Variants in WDR27 observed in about 807,000 individuals in gnomAD.
The protein encoded by WDR27 is WD repeat domain 27, also known as WD repeat-containing protein 27.
WDR27 carries 100 observed loss-of-function variants against 114.4 expected under a neutral mutation model. The observed-to-expected ratio is 0.87, with a 90% CI of 0.74 to 1.03. The LOEUF (loss-of-function observed/expected upper bound fraction) is 1.03, where lower values mean the gene tolerates loss of function less well. Among genes scored for constraint, WDR27 ranks in the 50% least tolerant of loss-of-function variants. WDR27 has a pLI of 0.00. For synonymous variants in WDR27, 449 were observed against 423.1 expected (o/e 1.06, Z -0.75); for missense variants, 1,129 against 1,092.9 (o/e 1.03, Z -0.47).
intron 1 of WDR27, among the ~76,000 whole-genome samples, chr6:169,690,279 G>A (rs532306833): frequency 2.0e-5 from 3 of 152,116 alleles, no homozygotes; most frequent in African/African-American, 4.8e-5. Context: ...ACGTGGATTC[G>A]AAAAATCCAC....
chr6:169,660,148 G>A (rs1199073385), intron 10 of WDR27, among the ~76,000 whole-genome samples: 2 of 137,198 alleles, frequency 1.5e-5, no homozygotes, highest in African/African-American at 5.4e-5. Flanking sequence ...GCGGCTGGTG[G>A]CATCCATGGA....
At chr6:169,455,277 A>T (rs557344039), downstream of WDR27, among the ~76,000 whole-genome samples, 1 of 152,222 alleles carries the variant, frequency 6.6e-6, no homozygotes, top group African/African-American at 2.4e-5. Flanking sequence ...ACAGCTCTTG[A>T]TAAGTATTTG....
At chr6:169,438,173 C>T in the WDR27 span, among the ~76,000 whole-genome samples, 17 of 151,348 alleles carry the variant, frequency 1.1e-4, no homozygotes, top group African/African-American at 4.1e-4. Context: ...CGTGGCTTTT[C>T]TTGATGTGTC....
intron 25 of WDR27, chr6:169,559,161 T>A (rs2128111470): frequency 6.6e-6 from 1 of 152,364 alleles, no homozygotes; most frequent in Non-Finnish European, 1.5e-5. Context: ...GGACAGCTCA[T>A]CCCTGCATGG....
intron 23 of WDR27, among the ~76,000 whole-genome samples, chr6:169,597,808 T>C (rs1807104890): frequency 6.6e-6 from 1 of 152,006 alleles, no homozygotes; most frequent in Admixed American, 6.6e-5. Flanking sequence ...AGTTTTTATC[T>C]CTACATCCCT....
chr6:169,658,809 G>A (rs868264657), intron 12 of WDR27, among the ~76,000 whole-genome samples: 8 of 151,384 alleles, frequency 5.3e-5, no homozygotes, highest in Non-Finnish European at 8.8e-5. Context: ...TCAGCCTCCC[G>A]ACTAGCTGGG....
intron 25 of WDR27, among the ~76,000 whole-genome samples, chr6:169,466,798 A>G (rs1386819545): frequency 6.6e-6 from 1 of 152,198 alleles, no homozygotes; most frequent in Non-Finnish European, 1.5e-5. Flanking sequence ...TCATGTCTTC[A>G]CATTTCAAAA....
intron 25 of WDR27, among the ~76,000 whole-genome samples, chr6:169,555,999 T>C (rs919745986): frequency 6.6e-6 from 1 of 152,222 alleles, no homozygotes; most frequent in African/African-American, 2.4e-5. Flanking sequence ...GAGGGACCCA[T>C]GCCCTCATGT....
In WDR27 at chr6:169,665,592, A is replaced by T. The variant is rs62422544; in HGVS notation, c.713-36T>A. 2.2e-3 allele frequency: 3,448 copies of T among 1,600,452 alleles called. 7 individuals carry two copies. Among genetic ancestry groups the T allele is most frequent in the Non-Finnish European group, 2.8e-3 (3,324 of 1,170,054 alleles). ...GAACATCGGAAAATTTAGCTTTGTA[A>T]GTGCCTGGTACCAATTAACCCGAGA... is the stretch of plus-strand genomic sequence containing the variant. On this transcript the variant is annotated intron_variant, in intron 6 of 25. Transcript: ENST00000448612.
chr6:169,439,732 T>C, the WDR27 span, among the ~76,000 whole-genome samples: 1 of 152,168 alleles, frequency 6.6e-6, no homozygotes, highest in African/African-American at 2.4e-5. Flanking sequence ...AAGTGCACTT[T>C]AATAAACAAA....
chr6:169,574,164 G>A (rs879590620), intron 24 of WDR27, among the ~76,000 whole-genome samples: 5 of 152,246 alleles, frequency 3.3e-5, no homozygotes, highest in Non-Finnish European at 7.3e-5. Flanking sequence ...CTTGGATTCC[G>A]AAGCCACTCT....
chr6:169,647,969 A>G (rs1821230361), intron 15 of WDR27, 99 bp from the exon 16 acceptor site: 7 of 765,372 alleles, frequency 9.1e-6, no homozygotes, highest in Non-Finnish European at 6.4e-6. Flanking sequence ...CCCCATCTAC[A>G]TGTATAATCG....
intron 25 of WDR27, among the ~76,000 whole-genome samples, chr6:169,485,880 C>T (rs1788816840): frequency 6.6e-6 from 1 of 152,110 alleles, no homozygotes. Context: ...AAGCTAGAGG[C>T]CATTATCCTT....
intron 25 of WDR27, among the ~76,000 whole-genome samples, chr6:169,506,286 A>G (rs1791990769): frequency 6.6e-6 from 1 of 152,228 alleles, no homozygotes; most frequent in Non-Finnish European, 1.5e-5. Flanking sequence ...AGGATACATT[A>G]TAATCCGTAT....
chr6:169,428,276 T>A, the WDR27 span, among the ~76,000 whole-genome samples: 9 of 152,178 alleles, frequency 5.9e-5, no homozygotes, highest in Admixed American at 3.9e-4. Context: ...TCTTTTGAAC[T>A]TTCCCCTAAG....
chr6:169,628,895 G>A (rs893708561), intron 21 of WDR27, among the ~76,000 whole-genome samples: 1 of 152,162 alleles, frequency 6.6e-6, no homozygotes, highest in South Asian at 2.1e-4. Context: ...CATGTGGAAC[G>A]TAAGAGTTTT....
rs551652503 is a variant in WDR27 at position 169,601,952 on chromosome 6, A to G, written c.2424+267T>C. ...AACAAGAAAATATAACGTGTAGCAC[A>G]GTGTCTTTCAAATAGTAGGCACTCA... On this transcript the variant is annotated intron_variant, in intron 23 of 25. Transcript: ENST00000448612. 7.2e-4 allele frequency among the ~76,000 whole-genome samples: 110 copies of G among 152,394 alleles called. 1 individual carries two copies. The highest frequency in any genetic ancestry group is 1.8e-4 in the Non-Finnish European group (12 of 68,038).
At chr6:169,585,223 A>G (rs922409729) in intron 23 of WDR27, among the ~76,000 whole-genome samples, 2 of 152,216 alleles carry the variant, frequency 1.3e-5, no homozygotes, top group Non-Finnish European at 1.5e-5. Flanking sequence ...AAGCACCTCA[A>G]TATTGACCTT....
intron 21 of WDR27, among the ~76,000 whole-genome samples, chr6:169,624,064 T>C (rs1814049840): frequency 6.6e-6 from 1 of 152,004 alleles, no homozygotes; most frequent in Non-Finnish European, 1.5e-5. Flanking sequence ...GTGTGCCGTG[T>C]GTGGGGTCAG....
Sources: allele counts gnomAD v4.1 joint callset (sites outside exome capture counted in the v4.1 genomes callset), GRCh38; gene constraint gnomAD v4.1.1; transcripts MANE v1.5; gene names NCBI Gene and HGNC (gene_info 2026-07-23, HGNC 2026-07-21).